The following FER1L5 variants were observed in gnomAD, a reference collection of about 807,000 sequenced individuals.
FER1L5 encodes fer-1 like family member 5, also known as fer-1-like protein 5.
Under a neutral mutation model 279.9 loss-of-function variants are expected in FER1L5, and 187 were observed. The observed-to-expected ratio is 0.67, with a 90% CI of 0.59 to 0.75. The LOEUF is 0.75. FER1L5 is among the 30% of genes least tolerant of loss of function. FER1L5 has a pLI of 0.00. For missense variants in FER1L5, 2,091 were observed against 2,594.4 expected, an observed-to-expected ratio of 0.81 and a Z score of 4.21; for synonymous variants, 921 against 989.7, an observed-to-expected ratio of 0.93 and a Z score of 1.30.
chr2:96,681,263 C>G (rs1558891512), intron 19 of FER1L5, among the ~76,000 whole-genome samples: 1 of 152,180 alleles, frequency 6.6e-6, no homozygotes, highest in Non-Finnish European at 1.5e-5. Flanking sequence ...CTGGGGTGGG[C>G]TTGAGCCCAG....
At chr2:96,688,395 AG>A in intron 24 of FER1L5, among the ~76,000 whole-genome samples, 1 of 152,096 alleles carries the variant, frequency 6.6e-6, no homozygotes, top group Non-Finnish European at 1.5e-5. Context: ...GGGTCCCAGG[AG>A]GTGAAGGCCT....
chr2:96,694,531 C>A lies in FER1L5; in HGVS notation c.3741+67C>A. On this transcript the variant is annotated intron_variant, in intron 34 of 52. Coordinates refer to ENST00000624922, the MANE Select transcript of FER1L5 (RefSeq NM_001293083.2). The surrounding 1 kb of genome is among the most constrained non-coding windows in gnomAD (Gnocchi z 4.6). ...GGGGTGGTCTGGAGTGCGCTGCAGC[C>A]TTCTGCTGGTCCTCCCTGACTACTG... 1 of 1,269,032 alleles carries A rather than the reference C, an allele frequency of 7.9e-7. No homozygotes were observed. The highest frequency in any genetic ancestry group is 1.1e-6 in the Non-Finnish European group (1 of 940,264). 78.6% of individuals were successfully genotyped at this position (1,269,032 alleles called of 1,614,324 possible).
intron 31 of FER1L5, 99 bp from the exon 32 acceptor site, chr2:96,693,407 C>A: frequency 2.3e-6 from 3 of 1,295,734 alleles, no homozygotes; most frequent in Non-Finnish European, 3.1e-6. Flanking sequence ...CTGCCTGACC[C>A]TCCTGGGCCC....
chr2:96,644,636 GAGGACACAGT>G (rs1292522346), intron 1 of FER1L5, among the ~76,000 whole-genome samples: 4 of 152,206 alleles, frequency 2.6e-5, no homozygotes, highest in Non-Finnish European at 5.9e-5. Context: ...CAAGAGAAAA[GAGGACACAGT>G]AGTTCCTACA....
chr2:96,673,452 A>G (rs1054110770), intron 19 of FER1L5, among the ~76,000 whole-genome samples, 198 bp downstream of exon 19: 3 of 152,054 alleles, frequency 2.0e-5, no homozygotes, highest in Admixed American at 2.0e-4. Flanking sequence ...ATGAGTTGAA[A>G]CTAGGTCTTG....
In FER1L5 at chr2:96,691,699, G is replaced by A. The variant is rs1004609802; in HGVS notation, c.3075+87G>A. ...CTGGCCTGGCTGGGGCGCTGACTGC[G>A]GAGGAAGGGCCTCTGTTCCTCAGGC... On this transcript the variant is annotated intron_variant, in intron 29 of 52. Transcript: ENST00000624922. The surrounding 1 kb of genome is among the most constrained non-coding windows in gnomAD (Gnocchi z 6.0). 11 of 1,540,570 alleles carry A rather than the reference G, an allele frequency of 7.1e-6. No individual in the cohort carries two copies. In the African/African-American group the frequency reaches 9.6e-5, roughly 13 times the overall value.
chr2:96,699,699 G>T lies in FER1L5; in HGVS notation c.4760G>T (p.Gly1587Val), dbSNP rs1389820445. 6.2e-7 allele frequency: 1 copy of T among 1,613,954 alleles called. No homozygotes were observed. Among genetic ancestry groups the T allele is most frequent in the South Asian group, 1.1e-5 (1 of 91,080 alleles). The change falls in exon 43 of 53, where the codon GGG (glycine) becomes GTG (valine). Residue 1587 changes from glycine (G) to valine (V), a missense_variant. Transcript: ENST00000624922. ...CTATCTGGCTTTGGAGCTCATTGTGGGCTCTCCAAATCCTACTGCCAGTGA... is the reference window on the plus strand; with the variant it reads ...CTATCTGGCTTTGGAGCTCATTGTGTGCTCTCCAAATCCTACTGCCAGTGA... ...RLLSGFGAHC[G>V]LSKSYCQSGP...
intron 1 of FER1L5, among the ~76,000 whole-genome samples, chr2:96,643,956 G>T (rs953421778): frequency 2.0e-5 from 3 of 151,096 alleles, no homozygotes; most frequent in African/African-American, 7.3e-5. Flanking sequence ...CAGATCACTG[G>T]AGGTCAGGAG....
intron 23 of FER1L5, 90 bp from the exon 24 acceptor site, chr2:96,687,726 G>A (rs2076983189): frequency 6.6e-7 from 1 of 1,512,556 alleles, no homozygotes. Context: ...GCTCAGGGGG[G>A]AAGGGGCAGG....
chr2:96,661,324 G>T lies in FER1L5; in HGVS notation c.779-1G>T, dbSNP rs772667347. 2 of 1,537,394 alleles carry T rather than the reference G, an allele frequency of 1.3e-6. No individual in the cohort carries two copies. Among genetic ancestry groups the T allele is most frequent in the African/African-American group, 2.8e-5 (2 of 72,322 alleles). Reference sequence around the variant, plus strand: ...CTCCCATGGCCTTTCTGCCTCTCTAGGTCACACACTCCTAAGGAAATGGCT... The same window carrying T: ...CTCCCATGGCCTTTCTGCCTCTCTATGTCACACACTCCTAAGGAAATGGCT... On this transcript the variant is annotated splice_acceptor_variant, in intron 10 of 52. Transcript: ENST00000624922. LOFTEE classifies it high-confidence loss of function.
In FER1L5 at chr2:96,658,173, C is replaced by T. The variant is rs961580324; in HGVS notation, c.748-2168C>T. 2.0e-5 allele frequency among the ~76,000 whole-genome samples: 3 copies of T among 149,850 alleles called. No individual in the cohort carries two copies. The East Asian group carries it at 5.9e-4, about 30-fold the overall frequency. ...CTGGGATTACAGGCACCTGCTACTA[C>T]GTGTGGGCTAATTTTCGTATTTTTA... On this transcript the variant is annotated intron_variant, in intron 9 of 52. Coordinates refer to ENST00000624922, the MANE Select transcript of FER1L5 (RefSeq NM_001293083.2).
rs761441959 is a variant in FER1L5 at position 96,642,963 on chromosome 2, A to C, written c.85+42A>C. The C allele has an allele frequency of 2.8e-4, 426 of 1,514,018 alleles. 5 individuals are homozygous for C. The highest frequency in any genetic ancestry group is 6.1e-5 in the Non-Finnish European group (69 of 1,123,566). 93.8% of individuals were successfully genotyped at this position (1,514,018 alleles called of 1,614,324 possible). On this transcript the variant is annotated intron_variant, in intron 1 of 52. Coordinates refer to ENST00000624922, the MANE Select transcript of FER1L5 (RefSeq NM_001293083.2). ...GTCCACATGGGAGAGAGAAGCCCCC[A>C]GAGGCAACATGGATTCAGTGAAAAA...
Position 96,670,129 on chromosome 2 carries a change from ACT to A in FER1L5, c.1376_1377del (p.Ser459CysfsTer2). The A allele has an allele frequency of 6.4e-7, 1 of 1,551,046 alleles. No homozygotes were observed. The highest frequency in any genetic ancestry group is 8.7e-7 in the Non-Finnish European group (1 of 1,146,870). ...TCTCGCTTGCCCTAGTGTATTCCCG[ACT>A]CTGTTAGGGATGGTTTAGCTTATCG... On this transcript the variant is annotated frameshift_variant, in exon 18 of 53. Coordinates refer to ENST00000624922, the MANE Select transcript of FER1L5 (RefSeq NM_001293083.2). LOFTEE classifies it high-confidence loss of function.
Position 96,697,569 on chromosome 2 carries a change from A to G in FER1L5, c.4127A>G (p.Lys1376Arg), listed in dbSNP as rs1303130006. Residue 1376 changes from lysine (K) to arginine (R), a missense_variant, in exon 38 of 53, where the codon AAA becomes AGA. Coordinates refer to ENST00000624922, the MANE Select transcript of FER1L5 (RefSeq NM_001293083.2). ...AGAAAGTTCTGGTTCAAGTCCAGTA[A>G]AGCAGAGGTGATGAAGGCTCAGCCC... ...LYRKFWFKSS[K>R]AEDEYEHEVD... The G allele has an allele frequency of 1.1e-5, 18 of 1,613,682 alleles. No homozygotes were observed. The East Asian group carries it at 4.0e-4, about 36-fold the overall frequency.
intron 19 of FER1L5, among the ~76,000 whole-genome samples, chr2:96,678,043 G>A (rs1244724929): frequency 6.6e-6 from 1 of 151,726 alleles, no homozygotes; most frequent in Non-Finnish European, 1.5e-5. Flanking sequence ...AGTATAGTAG[G>A]CACACAGTGG....
intron 30 of FER1L5, 35 bp from the exon 31 acceptor site, chr2:96,692,068 TG>T (rs1423315840): frequency 1.3e-6 from 2 of 1,550,338 alleles, no homozygotes; most frequent in Non-Finnish European, 1.7e-6. Context: ...GCTGGGGTCC[TG>T]GGGCAGGTGA....
intron 19 of FER1L5, among the ~76,000 whole-genome samples, chr2:96,674,403 T>C (rs931191586): frequency 6.6e-6 from 1 of 152,148 alleles, no homozygotes; most frequent in African/African-American, 2.4e-5. Flanking sequence ...TTTGTATTTT[T>C]AGTAGAGACG....
intron 9 of FER1L5, among the ~76,000 whole-genome samples, chr2:96,659,362 C>CCT (rs2075783737): frequency 3.3e-5 from 2 of 61,312 alleles, no homozygotes; most frequent in South Asian, 1.6e-3. Context: ...TCCTTCCTTC[C>CCT]TTCTTTCTTT....
chr2:96,692,129 C>T lies in FER1L5; in HGVS notation c.3240C>T (p.Cys1080=). ...FNKPHYYQLF[C]YIYQARNLVS... is the part of the protein sequence containing the mutation. ...AGCCCCACTACTACCAGCTCTTCTG[C>T]TACATCTACCAGGCCCGGAACCTGG... Residue 1080 remains cysteine, a synonymous_variant, in exon 31 of 53, where the codon TGC becomes TGT. Coordinates refer to ENST00000624922, the MANE Select transcript of FER1L5 (RefSeq NM_001293083.2). 6.4e-7 allele frequency: 1 copy of T among 1,551,648 alleles called. No homozygotes were observed. Among genetic ancestry groups the T allele is most frequent in the Non-Finnish European group, 8.7e-7 (1 of 1,146,962 alleles).
Sources: gnomAD v4.1 joint callset for allele counts (sites outside exome capture counted in the v4.1 genomes callset) on GRCh38, gnomAD v4.1.1 for gene constraint, Gnocchi (gnomAD v3.1) non-coding constraint, MANE v1.5 for transcripts, NCBI Gene and HGNC (gene_info 2026-07-23, HGNC 2026-07-21) for gene names.